The following MGAM variants were observed in gnomAD, a reference collection of about 807,000 sequenced individuals.
MGAM encodes maltase-glucoamylase.
A neutral mutation model predicts 358.8 loss-of-function variants in MGAM; 253 were observed. The observed-to-expected ratio is 0.71, with a 90% CI of 0.64 to 0.78. The LOEUF (loss-of-function observed/expected upper bound fraction) is 0.78. Among genes scored for constraint, MGAM ranks in the 30% least tolerant of loss-of-function variants. The pLI, the probability that MGAM is intolerant of heterozygous loss-of-function variation, is 0.00. For missense variants in MGAM, 3,080 were observed against 3,432.6 expected (o/e 0.90, Z 2.57); for synonymous variants, 1,105 against 1,227.1 (o/e 0.90, Z 2.08).
intron 29 of MGAM, 25 bp downstream of exon 29, chr7:142,056,121 T>G (rs1170118641): frequency 5.7e-6 from 9 of 1,571,816 alleles, no homozygotes; most frequent in Non-Finnish European, 7.8e-6. Flanking sequence ...ACCTCCCTTA[T>G]TTTGGGGGGA....
rs745451167 is a variant in MGAM, at chr7:142,065,345, G to A, written c.4495G>A (p.Glu1499Lys). Residue 1499 changes from glutamate (E) to lysine (K), a missense_variant, in exon 38 of 71, where the codon GAG (glutamate) becomes AAG (lysine). Coordinates refer to ENST00000475668, the MANE Select transcript of MGAM (RefSeq NM_001365693.1). ...QTRPTYEAVQ[E>K]VTGQRGVVIT... ...TTCCCTTCCAAGCAGAGCCGTGCAG[G>A]AGGTGACGGGACAGCGAGGGGTCGT... 1 of 1,609,378 alleles carries A rather than the reference G, an allele frequency of 6.2e-7. No individual in the cohort carries two copies. The highest frequency in any genetic ancestry group is 8.5e-7 in the Non-Finnish European group (1 of 1,178,322).
chr7:142,083,714 A>C (rs58175483), intron 53 of MGAM, among the ~76,000 whole-genome samples: 24,437 of 140,700 alleles, frequency 0.17, 5,317 homozygotes, highest in African/African-American at 0.44. Flanking sequence ...GTGGTAGGGG[A>C]TGATGGTGGT....
At chr7:141,995,584 C>G (rs551333541), upstream of MGAM, among the ~76,000 whole-genome samples, 1 of 152,126 alleles carries the variant, frequency 6.6e-6, no homozygotes, top group Non-Finnish European at 1.5e-5. Context: ...TCTTTATCAT[C>G]TACAAATTGT....
chr7:142,007,361 T>C (rs900468718), intron 2 of MGAM, among the ~76,000 whole-genome samples: 12 of 152,248 alleles, frequency 7.9e-5, no homozygotes, highest in African/African-American at 2.6e-4. Context: ...TGGTTTCTTA[T>C]CTGATTCATC....
intron 45 of MGAM, among the ~76,000 whole-genome samples, chr7:142,075,798 G>A (rs1444728255): frequency 6.9e-6 from 1 of 145,736 alleles, no homozygotes; most frequent in African/African-American, 2.4e-5. Flanking sequence ...TGCTGGTGAG[G>A]GTGTGGAGAA....
At chr7:142,054,062 T>G (rs1261394222) in intron 26 of MGAM, among the ~76,000 whole-genome samples, 3 of 152,240 alleles carry the variant, frequency 2.0e-5, no homozygotes, top group African/African-American at 7.2e-5. Context: ...GTTTGGTTAA[T>G]GACTACCAAG....
chr7:142,065,125 G>A (rs566661936), intron 37 of MGAM, among the ~76,000 whole-genome samples: 33 of 152,268 alleles, frequency 2.2e-4, no homozygotes, highest in African/African-American at 7.9e-4. Flanking sequence ...GGCTGCTACA[G>A]TGAAGTTCTT....
chr7:142,026,374 T>C (rs1806970763), intron 8 of MGAM, among the ~76,000 whole-genome samples: 1 of 152,116 alleles, frequency 6.6e-6, no homozygotes, highest in South Asian at 2.1e-4. Flanking sequence ...GGTTAATTCT[T>C]GGGAGGCTGC....
intron 31 of MGAM, 150 bp downstream of exon 31, chr7:142,058,478 A>G (rs2129037607): frequency 1.4e-6 from 2 of 1,386,082 alleles, no homozygotes; most frequent in Admixed American, 2.3e-5. Context: ...GCACAGTAAT[A>G]TAGGTAAGGG....
chr7:142,031,271 A>G (rs1807463398), intron 12 of MGAM, among the ~76,000 whole-genome samples: 1 of 152,160 alleles, frequency 6.6e-6, no homozygotes, highest in African/African-American at 2.4e-5. Context: ...TTCAGAGTAT[A>G]GTGTCTGGGG....
rs547674554 is a variant in MGAM at position 142,043,881 on chromosome 7, C to T, written c.2498+3035C>T. On this transcript the variant is annotated intron_variant, in intron 21 of 70. Coordinates refer to ENST00000475668, the MANE Select transcript of MGAM (RefSeq NM_001365693.1). Reference sequence around the variant, plus strand: ...ATATATACATTATATACACATACGACGTATAATATATACATTATATACACA... The same window carrying T: ...ATATATACATTATATACACATACGATGTATAATATATACATTATATACACA... 2.8e-3 allele frequency among the ~76,000 whole-genome samples: 327 copies of T among 114,988 alleles called. 2 individuals are homozygous for T. Among genetic ancestry groups the T allele is most frequent in the Non-Finnish European group, 4.7e-3 (266 of 56,278 alleles). The allele number at this position is 114,988 out of a possible 152,430, so 75.4% of individuals were successfully genotyped here.
Position 141,998,062 on chromosome 7 carries a change from T to C in MGAM, c.-3+2132T>C, listed in dbSNP as rs149396598. ...TGCCGGAAAGAGGACAAATATCCAGTTTTTCCAAATTAATTTAGATAGCCA... is the reference window on the plus strand; with the variant it reads ...TGCCGGAAAGAGGACAAATATCCAGCTTTTCCAAATTAATTTAGATAGCCA... On this transcript the variant is annotated intron_variant, in intron 1 of 70. Transcript: ENST00000475668. Among the ~76,000 whole-genome samples, 140 of 152,240 alleles carry C rather than the reference T, an allele frequency of 9.2e-4. No homozygotes were observed. In the East Asian group the frequency reaches 0.02, roughly 21 times the overall value.
intron 3 of MGAM, among the ~76,000 whole-genome samples, chr7:142,010,757 A>G (rs782240896): frequency 3.3e-5 from 5 of 152,162 alleles, no homozygotes; most frequent in African/African-American, 4.8e-5. Context: ...ACTGTCTTCT[A>G]TCATCTAAGA....
At chr7:142,043,912 CGT>C (rs1809501585) in intron 21 of MGAM, among the ~76,000 whole-genome samples, 1 of 118,282 alleles carries the variant, frequency 8.5e-6, no homozygotes, top group Non-Finnish European at 1.7e-5. Context: ...ACACATACGA[CGT>C]ATAATATATA....
intron 43 of MGAM, among the ~76,000 whole-genome samples, chr7:142,070,205 A>G (rs2129047267): frequency 6.9e-6 from 1 of 144,654 alleles, no homozygotes; most frequent in African/African-American, 2.5e-5. Context: ...GAAAAAAAAA[A>G]AAAAGAAAGA....
At chr7:142,093,275 C>A in intron 59 of MGAM, 137 bp from the exon 60 acceptor site, 1 of 1,185,630 alleles carries the variant, frequency 8.4e-7, no homozygotes. Context: ...GCGCTGTGCT[C>A]ATGTCTCTGG....
upstream of MGAM, among the ~76,000 whole-genome samples, chr7:141,994,979 A>C (rs556224386): frequency 1.4e-4 from 21 of 152,308 alleles, no homozygotes; most frequent in South Asian, 4.3e-3. Flanking sequence ...GTAGTTGGGG[A>C]AGTTATGAAT....
chr7:142,064,086 T>C (rs542695278), intron 36 of MGAM, among the ~76,000 whole-genome samples: 2 of 152,334 alleles, frequency 1.3e-5, no homozygotes, highest in African/African-American at 2.4e-5. Context: ...ATCTTCTTCA[T>C]AGAATTATGG....
At position 142,041,965 on chromosome 7, in the gene MGAM, ATATATTATAT is replaced by A. The variant is rs1563145057; in HGVS notation, c.2498+1120_2498+1129del. ...ATATATATACATATATATAATATAT[ATATATTATAT>A]ATATATAATATAATATATATATATT... On this transcript the variant is annotated intron_variant, in intron 21 of 70. Coordinates refer to ENST00000475668, the MANE Select transcript of MGAM (RefSeq NM_001365693.1). Among the ~76,000 whole-genome samples, 3 of 24,758 alleles carry A rather than the reference ATATATTATAT, an allele frequency of 1.2e-4. 1 individual carries two copies. The highest frequency in any genetic ancestry group is 4.7e-4 in the African/African-American group (3 of 6,336). The allele number at this position is 24,758 out of a possible 152,430, so 16.2% of individuals were successfully genotyped here. A position where few individuals can be genotyped will look rare whatever the true frequency, so the allele number is the denominator to read the frequency against.
Sources: gnomAD v4.1 joint callset for allele counts (sites outside exome capture counted in the v4.1 genomes callset) on GRCh38, gnomAD v4.1.1 for gene constraint, MANE v1.5 for transcripts, NCBI Gene and HGNC (gene_info 2026-07-23, HGNC 2026-07-21) for gene names.